CD2AP: variants seen among roughly 807,000 people sequenced by gnomAD.
CD2AP encodes the protein CD2 associated protein.
CD2AP carries 46 observed loss-of-function variants against 85.1 expected under a neutral mutation model. The observed-to-expected ratio is 0.54, with a 90% CI of 0.43 to 0.69. CD2AP has a LOEUF of 0.69. Among genes scored for constraint, CD2AP ranks in the 30% least tolerant of loss-of-function variants. The probability of loss-of-function intolerance (pLI) is 0.00; values close to 1 mark genes in which losing one functional copy is unlikely to be tolerated. For synonymous variants in CD2AP, 255 were observed against 252.9 expected (o/e 1.01, Z -0.08); for missense variants, 769 against 729.5 (o/e 1.05, Z -0.62).
intron 2 of CD2AP, among the ~76,000 whole-genome samples, chr6:47,521,482 G>C (rs1217966959): frequency 6.6e-6 from 1 of 152,102 alleles, no homozygotes; most frequent in Non-Finnish European, 1.5e-5. Context: ...AACCCGGGAG[G>C]TGGAGGTTGC....
chr6:47,533,561 T>C (rs2098333113), intron 2 of CD2AP, 41 bp from the exon 3 acceptor site: 4 of 1,588,046 alleles, frequency 2.5e-6, no homozygotes, highest in Non-Finnish European at 3.4e-6. Context: ...ATATAAAAAA[T>C]ATAACTTAAC....
intron 2 of CD2AP, among the ~76,000 whole-genome samples, chr6:47,511,477 GA>G (rs1303509921): frequency 6.6e-6 from 1 of 152,152 alleles, no homozygotes; most frequent in African/African-American, 2.4e-5. Flanking sequence ...TGGAAAAATT[GA>G]TTAAATCCAT....
At chr6:47,607,892 C>G in intron 14 of CD2AP, 35 bp from the exon 15 acceptor site, 1 of 1,391,000 alleles carries the variant, frequency 7.2e-7, no homozygotes, top group Non-Finnish European at 1.0e-6. Context: ...TTTCTTTGGT[C>G]TATTATGTCT....
At chr6:47,563,142 T>A in intron 5 of CD2AP, 2 of 190,562 alleles carry the variant, frequency 1.0e-5, no homozygotes, top group South Asian at 2.4e-4. Context: ...CAAGTGAACA[T>A]TTCTTAACCC....
intron 1 of CD2AP, among the ~76,000 whole-genome samples, chr6:47,487,038 T>TA (rs958129299): frequency 6.6e-6 from 1 of 152,208 alleles, no homozygotes; most frequent in Admixed American, 6.5e-5. Flanking sequence ...TAACTTTAAT[T>TA]AAAAATTCCT....
intron 13 of CD2AP, among the ~76,000 whole-genome samples, chr6:47,599,714 C>G (rs1376895597): frequency 6.6e-6 from 1 of 151,988 alleles, no homozygotes. Context: ...ATTACTCCCT[C>G]TTTATAGTGG....
At chr6:47,549,061 A>G (rs1220484187) in intron 4 of CD2AP, among the ~76,000 whole-genome samples, 1 of 152,174 alleles carries the variant, frequency 6.6e-6, no homozygotes, top group East Asian at 1.9e-4. Context: ...CATCAGTGTA[A>G]TAAAAGCCGT....
intron 2 of CD2AP, among the ~76,000 whole-genome samples, chr6:47,522,099 T>C (rs1766613790): frequency 6.6e-6 from 1 of 151,930 alleles, no homozygotes; most frequent in South Asian, 2.1e-4. Context: ...CTCTGTTCAC[T>C]GATGAGTTTC....
At chr6:47,544,735 C>A in intron 4 of CD2AP, 29 bp downstream of exon 4, 1 of 1,264,442 alleles carries the variant, frequency 7.9e-7, no homozygotes, top group Non-Finnish European at 1.2e-6. Context: ...ACAGGTAAAA[C>A]AGTAATGGTA....
chr6:47,566,323 T>TATATATATATATATACACACAC lies in CD2AP; in HGVS notation c.542-7740_542-7739insTATATATATATATACACACACA. On this transcript the variant is annotated intron_variant, in intron 5 of 17. Transcript: ENST00000359314. ...TAGAATATATATATATATATATATA[T>TATATATATATATATACACACAC]ACACATACACATATATATATATGTA... Among the ~76,000 whole-genome samples the TATATATATATATATACACACAC allele has an allele frequency of 2.2e-3, 241 of 108,412 alleles. 7 individuals are homozygous for TATATATATATATATACACACAC. The highest frequency in any genetic ancestry group is 7.6e-3 in the East Asian group (32 of 4,226). 71.1% of individuals were successfully genotyped at this position (108,412 alleles called of 152,430 possible). A position where few individuals can be genotyped will look rare whatever the true frequency, so the allele number is the denominator to read the frequency against.
At chr6:47,587,200 C>G (rs911262147) in intron 11 of CD2AP, among the ~76,000 whole-genome samples, 1 of 152,108 alleles carries the variant, frequency 6.6e-6, no homozygotes, top group African/African-American at 2.4e-5. Flanking sequence ...AAGCCTTCCA[C>G]CAAGGAAATA....
chr6:47,486,092 C>G (rs1230344047), intron 1 of CD2AP, among the ~76,000 whole-genome samples: 4 of 152,176 alleles, frequency 2.6e-5, no homozygotes, highest in African/African-American at 9.7e-5. Context: ...GTCACATCAT[C>G]AAGCAAAGAA....
chr6:47,503,668 T>A (rs1014394255), intron 2 of CD2AP, among the ~76,000 whole-genome samples: 1 of 152,214 alleles, frequency 6.6e-6, no homozygotes, highest in Non-Finnish European at 1.5e-5. Flanking sequence ...TTGTATATGG[T>A]TGTGTGTATC....
intron 8 of CD2AP, 40 bp from the exon 9 acceptor site, chr6:47,579,345 A>AAAC (rs1554181523): frequency 8.0e-7 from 1 of 1,249,456 alleles, no homozygotes; most frequent in Non-Finnish European, 1.2e-6. Flanking sequence ...AAAAAAAAAA[A>AAAC]AAAGGTCTAT....
At chr6:47,565,322 T>C (rs1028269400) in intron 5 of CD2AP, among the ~76,000 whole-genome samples, 1 of 152,168 alleles carries the variant, frequency 6.6e-6, no homozygotes, top group Admixed American at 6.5e-5. Context: ...TTTTGTAATG[T>C]CTCCTTTTTA....
At chr6:47,599,169 T>A (rs1769034939) in intron 12 of CD2AP, 132 bp from the exon 13 acceptor site, 5 of 660,900 alleles carry the variant, frequency 7.6e-6, no homozygotes, top group African/African-American at 1.8e-5. Context: ...AGTTTTGCGT[T>A]TATGGAAATG....
At chr6:47,608,148 T>C (rs1277680459) in intron 15 of CD2AP, 120 bp downstream of exon 15, 1 of 744,628 alleles carries the variant, frequency 1.3e-6, no homozygotes, top group East Asian at 2.7e-5. Context: ...AATGAAATAA[T>C]TGCTGCTAAA....
At chr6:47,610,976 TTTTTTTTTTTGA>T (rs1769422243) in intron 16 of CD2AP, among the ~76,000 whole-genome samples, 1 of 141,998 alleles carries the variant, frequency 7.0e-6, no homozygotes, top group Admixed American at 7.0e-5. Context: ...TATGTATTTT[TTTTTTTTTTTGA>T]ATATAAAACA....
intron 5 of CD2AP, among the ~76,000 whole-genome samples, chr6:47,570,305 G>T (rs1451084894): frequency 6.6e-6 from 1 of 152,124 alleles, no homozygotes; most frequent in Non-Finnish European, 1.5e-5. Flanking sequence ...GGAGGAGGGA[G>T]GGTTTAGGCT....
Sources: allele counts gnomAD v4.1 joint callset (sites outside exome capture counted in the v4.1 genomes callset), GRCh38; gene constraint gnomAD v4.1.1; transcripts MANE v1.5; gene names NCBI Gene and HGNC (gene_info 2026-07-23, HGNC 2026-07-21).